The following FOXP1 variants were observed in gnomAD, a reference collection of about 807,000 sequenced individuals.
FOXP1 encodes the protein forkhead box P1, also known as forkhead box protein P1.
A neutral mutation model predicts 98.2 loss-of-function variants in FOXP1; 15 were observed. The observed-to-expected ratio is 0.15, with a 90% CI of 0.10 to 0.24. The LOEUF is 0.24. Among genes scored for constraint, FOXP1 ranks in the 10% least tolerant of loss-of-function variants. The pLI is 1.00. For missense variants in FOXP1, 633 were observed against 848.5 expected, an observed-to-expected ratio of 0.75 and a Z score of 3.15; for synonymous variants, 371 against 314.5, an observed-to-expected ratio of 1.18 and a Z score of -1.90.
intron 6 of FOXP1, among the ~76,000 whole-genome samples, chr3:71,140,453 T>C (rs2060013864): frequency 6.6e-6 from 1 of 152,246 alleles, no homozygotes; most frequent in Non-Finnish European, 1.5e-5. Flanking sequence ...GTTAGGGATT[T>C]CAACCTGCAA....
At chr3:71,376,482 T>A (rs917340059) in intron 3 of FOXP1, among the ~76,000 whole-genome samples, 2 of 152,224 alleles carry the variant, frequency 1.3e-5, no homozygotes, top group Non-Finnish European at 2.9e-5. Context: ...GCAATGGTAG[T>A]ATACATTGTT....
At chr3:71,228,966 T>TG (rs1449242426) in intron 5 of FOXP1, among the ~76,000 whole-genome samples, 1 of 39,252 alleles carries the variant, frequency 2.5e-5, no homozygotes, top group East Asian at 1.0e-3. Context: ...TACTGTTGGT[T>TG]GTTTTTTTTT....
chr3:71,100,344 TCAAA>T (rs1332177540), intron 7 of FOXP1, among the ~76,000 whole-genome samples: 7 of 152,352 alleles, frequency 4.6e-5, no homozygotes, highest in East Asian at 1.9e-4. Flanking sequence ...CTTTACGCTC[TCAAA>T]CAAACAACAA....
intron 2 of FOXP1, among the ~76,000 whole-genome samples, chr3:71,525,784 T>TA (rs2043330098): frequency 6.6e-6 from 1 of 152,082 alleles, no homozygotes; most frequent in African/African-American, 2.4e-5. Flanking sequence ...CGTTTTTTTT[T>TA]AAAAAATCAG....
chr3:71,069,626 G>A (rs909195826), intron 7 of FOXP1, among the ~76,000 whole-genome samples: 3 of 152,064 alleles, frequency 2.0e-5, no homozygotes, highest in Non-Finnish European at 4.4e-5. Flanking sequence ...CAGATATCGG[G>A]GGGAAAACAT....
chr3:71,456,329 G>T (rs1017467843), intron 3 of FOXP1, among the ~76,000 whole-genome samples: 1 of 152,080 alleles, frequency 6.6e-6, no homozygotes, highest in Non-Finnish European at 1.5e-5. Flanking sequence ...GTAAATAAGG[G>T]TTTCTGTTAC....
chr3:71,373,050 G>C (rs970763363), intron 3 of FOXP1, among the ~76,000 whole-genome samples: 1 of 152,158 alleles, frequency 6.6e-6, no homozygotes, highest in Non-Finnish European at 1.5e-5. Flanking sequence ...TACTAAAATT[G>C]TCTGCACGCT....
chr3:71,053,541 A>T, intron 8 of FOXP1, 95 bp downstream of exon 8: 2 of 1,485,880 alleles, frequency 1.3e-6, no homozygotes, highest in East Asian at 4.5e-5. Context: ...CACTGAGCAA[A>T]GGAGCTGCTC....
At chr3:71,308,779 GTGTGTGTGTGTGTGTGTGT>G (rs2074471928) in intron 4 of FOXP1, among the ~76,000 whole-genome samples, 1 of 150,862 alleles carries the variant, frequency 6.6e-6, no homozygotes, top group Non-Finnish European at 1.5e-5. Context: ...GTGTGTGTGT[GTGTGTGTGTGTGTGTGTGT>G]GTGTGTGTGG....
At position 71,462,138 on chromosome 3, in the gene FOXP1, C is replaced by T. The variant is rs1026118761; in HGVS notation, c.-168+31288G>A. Among the ~76,000 whole-genome samples, 6 of 152,088 alleles carry T rather than the reference C, an allele frequency of 3.9e-5. No individual in the cohort carries two copies. The East Asian group carries it at 5.8e-4, about 15-fold the overall frequency. On this transcript the variant is annotated intron_variant, in intron 3 of 20. Coordinates refer to ENST00000649528, the MANE Select transcript of FOXP1 (RefSeq NM_001349338.3). ...TACAGGACTGCACATAAACACTTGC[C>T]GCATAAAATCAGGAAACACTTCACT...
Position 71,392,289 on chromosome 3 carries a change from T to G in FOXP1, c.-167-33045A>C, listed in dbSNP as rs1246481199. On this transcript the variant is annotated intron_variant, in intron 3 of 20. Coordinates refer to ENST00000649528, the MANE Select transcript of FOXP1 (RefSeq NM_001349338.3). ...AAGGGTGAAACAATTAGAGCAAATC[T>G]GATGTAATATGTTACATTATACTCA... is the stretch of plus-strand genomic sequence containing the variant. 2.0e-5 allele frequency among the ~76,000 whole-genome samples: 3 copies of G among 152,200 alleles called. No homozygotes were observed. The East Asian group carries it at 5.8e-4, about 29-fold the overall frequency.
intron 3 of FOXP1, among the ~76,000 whole-genome samples, chr3:71,376,565 TTG>T (rs1560393361): frequency 6.6e-6 from 1 of 152,248 alleles, no homozygotes; most frequent in Non-Finnish European, 1.5e-5. Context: ...AAATACCAAA[TTG>T]GAACTTGTGG....
At chr3:71,383,211 C>T (rs948906486) in intron 3 of FOXP1, among the ~76,000 whole-genome samples, 12 of 152,172 alleles carry the variant, frequency 7.9e-5, no homozygotes, top group African/African-American at 1.7e-4. Context: ...AAATGCTTTC[C>T]GCTAGCTCTG....
intron 2 of FOXP1, among the ~76,000 whole-genome samples, chr3:71,575,798 C>G (rs1477663785): frequency 6.6e-6 from 1 of 152,224 alleles, no homozygotes; most frequent in Non-Finnish European, 1.5e-5. Flanking sequence ...AATATTACCC[C>G]TAATTCAAAA....
At chr3:71,485,497 G>A (rs915493685) in intron 3 of FOXP1, among the ~76,000 whole-genome samples, 2 of 152,144 alleles carry the variant, frequency 1.3e-5, no homozygotes, top group African/African-American at 4.8e-5. Flanking sequence ...GGCTGGAAGC[G>A]ATGGCTCACG....
intron 7 of FOXP1, among the ~76,000 whole-genome samples, chr3:71,071,074 T>C (rs2053169743): frequency 6.6e-6 from 1 of 152,214 alleles, no homozygotes; most frequent in African/African-American, 2.4e-5. Context: ...GGCTTGCTTT[T>C]CTTTCCCTAA....
chr3:71,134,072 C>T (rs1162810693), intron 6 of FOXP1, among the ~76,000 whole-genome samples: 1 of 151,380 alleles, frequency 6.6e-6, no homozygotes, highest in African/African-American at 2.5e-5. Flanking sequence ...TTGTCCATTT[C>T]TTGATTGCAG....
intron 4 of FOXP1, among the ~76,000 whole-genome samples, chr3:71,311,901 C>G (rs1014261900): frequency 6.6e-6 from 1 of 152,158 alleles, no homozygotes; most frequent in Admixed American, 6.5e-5. Flanking sequence ...CTGATATCTG[C>G]AGATCCCAGC....
At chr3:71,344,699 C>A (rs1365458927) in intron 4 of FOXP1, among the ~76,000 whole-genome samples, 2 of 152,142 alleles carry the variant, frequency 1.3e-5, no homozygotes, top group Non-Finnish European at 2.9e-5. Flanking sequence ...ATTAGCCAGG[C>A]ATAGTGGCAT....
Sources: allele counts gnomAD v4.1 joint callset (sites outside exome capture counted in the v4.1 genomes callset), GRCh38; gene constraint gnomAD v4.1.1; transcripts MANE v1.5; gene names NCBI Gene and HGNC (gene_info 2026-07-23, HGNC 2026-07-21).